Variants in NLRP9 observed in about 807,000 individuals in gnomAD.
NLRP9 encodes the protein NLR family pyrin domain containing 9.
In NLRP9, 88 loss-of-function variants were observed where a neutral mutation model predicts 83.1. The ratio of observed to expected loss-of-function variants is 1.06; its 90% CI spans 0.89 to 1.26. The LOEUF is 1.26. Ranked by LOEUF, NLRP9 falls within the 50% of genes most tolerant of loss-of-function variation. NLRP9 has a pLI of 0.00. For synonymous variants in NLRP9, 521 were observed against 447.6 expected (o/e 1.16, Z -2.07); for missense variants, 1,308 against 1,179.3 (o/e 1.11, Z -1.60).
At chr19:55,734,753 G>A (rs1279954314) in intron 1 of NLRP9, among the ~76,000 whole-genome samples, 1 of 151,502 alleles carries the variant, frequency 6.6e-6, no homozygotes, top group Non-Finnish European at 1.5e-5. Flanking sequence ...TTCTGCCTCA[G>A]CCTCCCAAGT....
intron 6 of NLRP9, among the ~76,000 whole-genome samples, chr19:55,714,130 A>C (rs1987916529): frequency 6.6e-6 from 1 of 151,732 alleles, no homozygotes; most frequent in Admixed American, 6.6e-5. Flanking sequence ...TGACCAACTT[A>C]TCCACCTAGA....
chr19:55,711,174 T>A (rs978676601), intron 8 of NLRP9, among the ~76,000 whole-genome samples: 1 of 152,090 alleles, frequency 6.6e-6, no homozygotes, highest in Non-Finnish European at 1.5e-5. Flanking sequence ...TGAATTCATG[T>A]ACTCATCACC....
intron 4 of NLRP9, among the ~76,000 whole-genome samples, chr19:55,718,859 C>T (rs1988126099): frequency 6.6e-6 from 1 of 152,226 alleles, no homozygotes; most frequent in Non-Finnish European, 1.5e-5. Flanking sequence ...GAAATACCCA[C>T]AGGTGTGGAG....
At position 55,711,882 on chromosome 19, in the gene NLRP9, C is replaced by T. The variant is rs747513175; in HGVS notation, c.2761G>A (p.Asp921Asn). Residue 921 changes from aspartate (D) to asparagine (N), a missense_variant, in exon 8 of 9, where the codon GAC (aspartate) becomes AAC (asparagine). Coordinates refer to ENST00000332836, the MANE Select transcript of NLRP9 (RefSeq NM_176820.4). ...ACKTLRSLNL[D>N]WIALDADAVV... ...GCATCAGCATCCAAGGCAATCCAGT[C>T]GAGGTTCAGGCTCCTCAGTGTTTTG... is the stretch of plus-strand genomic sequence containing the variant. 7 of 1,613,254 alleles carry T rather than the reference C, an allele frequency of 4.3e-6. No homozygotes were observed. The highest frequency in any genetic ancestry group is 1.6e-4 in the Middle Eastern group (1 of 6,084).
In NLRP9 at chr19:55,732,650, C is replaced by CT; in HGVS notation, c.1180dup (p.Ser394LysfsTer29). ...TCCCTCTGCAGCCAAAGCACACAGG[C>CT]TTTTTAGTCGGGCTCTGTTCACCTT... On this transcript the variant is annotated frameshift_variant, in exon 2 of 9. Transcript: ENST00000332836. LOFTEE classifies it high-confidence loss of function. 6.2e-7 allele frequency: 1 copy of CT among 1,614,196 alleles called. No homozygotes were observed.
At chr19:55,723,478 G>T (rs779531128) in intron 4 of NLRP9, among the ~76,000 whole-genome samples, 6 of 152,134 alleles carry the variant, frequency 3.9e-5, no homozygotes, top group Non-Finnish European at 8.8e-5. Flanking sequence ...TGTAATCCCA[G>T]TACTTTAGGA....
chr19:55,712,513 G>C lies in NLRP9; in HGVS notation c.2579C>G (p.Thr860Ser), dbSNP rs1385724661. Residue 860 changes from threonine to serine, a missense_variant, in exon 7 of 9, where the codon ACC becomes AGC. By Grantham distance (58) the Thr-to-Ser change is moderately conservative. Coordinates refer to ENST00000332836, the MANE Select transcript of NLRP9 (RefSeq NM_176820.4). The part of the protein sequence containing the change: ...AVLICNGKLK[T>S]LKLGHNEIGD... ...TATTTCATTATGCCCAAGTTTCAGG[G>C]TCTTCAGTTTCCCATTGCAAATAAG... 6.2e-7 allele frequency: 1 copy of C among 1,612,444 alleles called. No individual in the cohort carries two copies. The highest frequency in any genetic ancestry group is 8.5e-7 in the Non-Finnish European group (1 of 1,179,762).
chr19:55,733,404 C>T lies in NLRP9; in HGVS notation c.427G>A (p.Ala143Thr), dbSNP rs1988666080. The T allele has an allele frequency of 3.1e-6, 5 of 1,614,038 alleles. No homozygotes were observed. In the South Asian group the frequency reaches 4.4e-5, roughly 14 times the overall value. Reference protein sequence around the residue: ...KELNDAYTAAARRHTVVLEGP... With the variant: ...KELNDAYTAATRRHTVVLEGP... Reference sequence around the variant, plus strand: ...TCCAGGACCACAGTGTGTCGTCTAGCCGCAGCAGTATATGCGTCATTCAAT... The same window carrying T: ...TCCAGGACCACAGTGTGTCGTCTAGTCGCAGCAGTATATGCGTCATTCAAT... The change falls in exon 2 of 9, where the codon GCT becomes ACT. Residue 143 changes from alanine to threonine, a missense_variant. By Grantham distance (58) the Ala-to-Thr change is moderately conservative. Transcript: ENST00000332836.
At chr19:55,722,854 G>A (rs190027753) in intron 4 of NLRP9, among the ~76,000 whole-genome samples, 14 of 152,212 alleles carry the variant, frequency 9.2e-5, no homozygotes, top group Admixed American at 3.3e-4. Context: ...GCAGGGACAT[G>A]GATGAAACCG....
At position 55,733,384 on chromosome 19, in the gene NLRP9, G is replaced by A; in HGVS notation, c.447C>T (p.Val149=). ...TTCCAATTCCATCAGGACCTTCCAG[G>A]ACCACAGTGTGTCGTCTAGCCGCAG... ...YTAAARRHTV[V]LEGPDGIGKT... Residue 149 remains valine, a synonymous_variant, in exon 2 of 9, where the codon GTC becomes GTT. Transcript: ENST00000332836. 6.2e-7 allele frequency: 1 copy of A among 1,614,074 alleles called. No homozygotes were observed. Among genetic ancestry groups the A allele is most frequent in the Non-Finnish European group, 8.5e-7 (1 of 1,180,026 alleles).
Position 55,733,472 on chromosome 19 carries a change from G to A in NLRP9, c.359C>T (p.Pro120Leu), listed in dbSNP as rs372283899. The change falls in exon 2 of 9, where the codon CCT becomes CTT. Residue 120 changes from proline to leucine, a missense_variant. Physicochemically the swap from Pro to Leu is moderately conservative, Grantham distance 98. Coordinates refer to ENST00000332836, the MANE Select transcript of NLRP9 (RefSeq NM_176820.4). ...IWEKETCLHV[P>L]EHFYKETMKN... Reference sequence around the variant, plus strand: ...CATGGTTTCTTTGTAGAAATGCTCAGGGACGTGAAGACAGGTTTCCTTCTC... The same window carrying A: ...CATGGTTTCTTTGTAGAAATGCTCAAGGACGTGAAGACAGGTTTCCTTCTC... 40 of 1,613,502 alleles carry A rather than the reference G, an allele frequency of 2.5e-5. No homozygotes were observed. Among genetic ancestry groups the A allele is most frequent in the Non-Finnish European group, 3.4e-5 (40 of 1,179,778 alleles).
intron 3 of NLRP9, among the ~76,000 whole-genome samples, chr19:55,724,745 T>C (rs1315336317): frequency 6.6e-6 from 1 of 152,100 alleles, no homozygotes; most frequent in East Asian, 1.9e-4. Context: ...AGTCTCTTCA[T>C]GAAAGATATG....
chr19:55,710,759 T>C (rs1269333363), intron 8 of NLRP9, among the ~76,000 whole-genome samples: 1 of 152,220 alleles, frequency 6.6e-6, no homozygotes, highest in African/African-American at 2.4e-5. Context: ...AGCCTGCAGA[T>C]GCATAAGCCA....
chr19:55,713,403 G>A lies in NLRP9; in HGVS notation c.2502-813C>T, dbSNP rs80062411. 1.5e-3 allele frequency among the ~76,000 whole-genome samples: 221 copies of A among 151,886 alleles called. 5 individuals carry two copies. The East Asian group carries it at 0.036, about 25-fold the overall frequency. Reference sequence around the variant, plus strand: ...GATACATGATACACATAGATGTGTGGATAGGCACGTGTCTACCCACACTCA... The same window carrying A: ...GATACATGATACACATAGATGTGTGAATAGGCACGTGTCTACCCACACTCA... On this transcript the variant is annotated intron_variant, in intron 6 of 8. Transcript: ENST00000332836.
At chr19:55,728,431 G>C (rs1447255426) in intron 3 of NLRP9, among the ~76,000 whole-genome samples, 2 of 152,076 alleles carry the variant, frequency 1.3e-5, no homozygotes, top group Non-Finnish European at 2.9e-5. Context: ...AACTAGCCAG[G>C]CGTCGTGGTG....
intron 2 of NLRP9, among the ~76,000 whole-genome samples, chr19:55,730,622 C>T (rs752332154): frequency 4.6e-5 from 7 of 151,918 alleles, no homozygotes; most frequent in Admixed American, 6.6e-5. Context: ...ATGGATGGAG[C>T]GGGAGGCCAT....
At chr19:55,713,540 T>C (rs1296440819) in intron 6 of NLRP9, among the ~76,000 whole-genome samples, 1 of 145,840 alleles carries the variant, frequency 6.9e-6, no homozygotes, top group African/African-American at 2.5e-5. Flanking sequence ...ATTTTTGGTC[T>C]ACCACGCCAG....
intron 6 of NLRP9, among the ~76,000 whole-genome samples, chr19:55,713,146 A>C (rs1046993819): frequency 6.6e-6 from 1 of 151,018 alleles, no homozygotes; most frequent in Non-Finnish European, 1.5e-5. Flanking sequence ...AATTATCAGC[A>C]TAGCTACCTC....
In NLRP9 at chr19:55,733,206, A is replaced by G; in HGVS notation, c.625T>C (p.Ser209Pro). ...LELLSRDWPE[S>P]SEKIEDIFSQ... ...AAAATGTCTTCGATCTTCTCTGAAG[A>G]CTCCGGCCAGTCCCTAGAGAGGAGC... Residue 209 changes from serine (S) to proline (P), a missense_variant, in exon 2 of 9, where the codon TCT becomes CCT. By Grantham distance (74) the Ser-to-Pro change is moderately conservative. Coordinates refer to ENST00000332836, the MANE Select transcript of NLRP9 (RefSeq NM_176820.4). The G allele has an allele frequency of 6.2e-7, 1 of 1,613,342 alleles. No individual in the cohort carries two copies. The highest frequency in any genetic ancestry group is 8.5e-7 in the Non-Finnish European group (1 of 1,179,686).
Sources: allele counts gnomAD v4.1 joint callset (sites outside exome capture counted in the v4.1 genomes callset), GRCh38; gene constraint gnomAD v4.1.1; transcripts MANE v1.5; gene names NCBI Gene and HGNC (gene_info 2026-07-23, HGNC 2026-07-21).